The following USP13 variants were observed in gnomAD, a reference collection of about 807,000 sequenced individuals.
USP13 encodes ubiquitin carboxyl-terminal hydrolase 13.
USP13 carries 68 observed loss-of-function variants against 107.8 expected under a neutral mutation model. The observed-to-expected ratio is 0.63, with a 90% CI of 0.52 to 0.77. The LOEUF (loss-of-function observed/expected upper bound fraction) is 0.77, where lower values mean the gene tolerates loss of function less well. Ranked by LOEUF, USP13 falls within the 30% of genes least tolerant of loss-of-function variation. USP13 has a pLI of 0.00. For missense variants in USP13, 945 were observed against 1,093.3 expected (o/e 0.86, Z 1.91); for synonymous variants, 377 against 389.5 (o/e 0.97, Z 0.38).
In USP13 at chr3:179,653,473, C is replaced by A; in HGVS notation, c.168+80C>A. 6.7e-7 allele frequency: 1 copy of A among 1,492,092 alleles called. No homozygotes were observed. The highest frequency in any genetic ancestry group is 1.3e-5 in the South Asian group (1 of 77,846). 92.4% of individuals were successfully genotyped at this position (1,492,092 alleles called of 1,614,324 possible). A position where few individuals can be genotyped will look rare whatever the true frequency, so the allele number is the denominator to read the frequency against. On this transcript the variant is annotated intron_variant, in intron 1 of 20. Coordinates refer to ENST00000263966, the MANE Select transcript of USP13 (RefSeq NM_003940.3). This position sits in a 1 kb window ranked among gnomAD's most constrained non-coding sequence, Gnocchi z 4.0. ...AGCCGGGGGAGAAGATGCGCAGTGG[C>A]GGCCGGGACCTCTTCTCTTCCTCCG...
chr3:179,681,855 T>C, intron 1 of USP13, 23 bp from the exon 2 acceptor site: 2 of 1,608,154 alleles, frequency 1.2e-6, no homozygotes, highest in African/African-American at 1.3e-5. Flanking sequence ...CGTCGGCTAA[T>C]GTACTTTTTC....
At chr3:179,710,013 G>A (rs1576943025) in intron 6 of USP13, among the ~76,000 whole-genome samples, 1 of 152,216 alleles carries the variant, frequency 6.6e-6, no homozygotes, top group African/African-American at 2.4e-5. Context: ...ACTGAGGACT[G>A]GCAGTTAGGT....
intron 4 of USP13, among the ~76,000 whole-genome samples, chr3:179,706,214 C>T (rs1712711713): frequency 6.6e-6 from 1 of 152,122 alleles, no homozygotes; most frequent in African/African-American, 2.4e-5. Flanking sequence ...ACTTTGCAAC[C>T]ACAATGTAAG....
chr3:179,655,773 G>A (rs1344433156), intron 1 of USP13, among the ~76,000 whole-genome samples: 3 of 151,874 alleles, frequency 2.0e-5, no homozygotes, highest in African/African-American at 4.8e-5. Flanking sequence ...GGCTGCTCTC[G>A]AACTCCTGAC....
At position 179,688,194 on chromosome 3, in the gene USP13, AATCCATCC is replaced by A. The variant is rs1214610213; in HGVS notation, c.295-2009_295-2002del. Among the ~76,000 whole-genome samples, 11 of 48,186 alleles carry A rather than the reference AATCCATCC, an allele frequency of 2.3e-4. 1 individual carries two copies. The highest frequency in any genetic ancestry group is 5.9e-4 in the African/African-American group (10 of 16,956). 31.6% of individuals were successfully genotyped at this position (48,186 alleles called of 152,430 possible). Reference sequence around the variant, plus strand: ...ATATCCATCCATCCATCCATTCATCAATCCATCCATCCATCCATCCATCCATCCATCCA... The same window carrying A: ...ATATCCATCCATCCATCCATTCATCAATCCATCCATCCATCCATCCATCCA... On this transcript the variant is annotated intron_variant, in intron 2 of 20. Coordinates refer to ENST00000263966, the MANE Select transcript of USP13 (RefSeq NM_003940.3).
rs751649364 is a variant in USP13, at chr3:179,742,327, C to T, written c.1511C>T (p.Ala504Val). The T allele has an allele frequency of 5.0e-6, 8 of 1,614,060 alleles. No individual in the cohort carries two copies. In the African/African-American group the frequency reaches 1.1e-4, roughly 22 times the overall value. ...RVDYLMQLPV[A>V]MEAATNKDEL... ...GATTACCTGATGCAGTTACCTGTGGCCATGGAGGCGGCAACCAACAAGGGT... is the reference window on the plus strand; with the variant it reads ...GATTACCTGATGCAGTTACCTGTGGTCATGGAGGCGGCAACCAACAAGGGT... Residue 504 changes from alanine to valine, a missense_variant, in exon 12 of 21, where the codon GCC becomes GTC. Transcript: ENST00000263966. This position sits in a 1 kb window ranked among gnomAD's most constrained non-coding sequence, Gnocchi z 5.0.
chr3:179,668,668 TG>T (rs1168992210), intron 1 of USP13, among the ~76,000 whole-genome samples: 1 of 152,174 alleles, frequency 6.6e-6, no homozygotes, highest in Non-Finnish European at 1.5e-5. Context: ...GTAGGTCTCC[TG>T]CCTTGGCCTC....
chr3:179,670,423 C>T (rs1400429310), intron 1 of USP13, among the ~76,000 whole-genome samples: 4 of 152,144 alleles, frequency 2.6e-5, no homozygotes, highest in Admixed American at 2.6e-4. Flanking sequence ...GAAGACATCA[C>T]GGCCTCACTC....
chr3:179,763,619 C>T (rs1715075586), intron 17 of USP13, among the ~76,000 whole-genome samples: 1 of 152,126 alleles, frequency 6.6e-6, no homozygotes, highest in Non-Finnish European at 1.5e-5. Flanking sequence ...CAGAGCCTTG[C>T]TCTCTTGCCC....
rs563480253 is a variant in USP13 at position 179,667,477 on chromosome 3, T to G, written c.168+14084T>G. 5.9e-5 allele frequency among the ~76,000 whole-genome samples: 9 copies of G among 152,348 alleles called. No individual in the cohort carries two copies. In the South Asian group the frequency reaches 1.7e-3, roughly 28 times the overall value. On this transcript the variant is annotated intron_variant, in intron 1 of 20. Coordinates refer to ENST00000263966, the MANE Select transcript of USP13 (RefSeq NM_003940.3). ...TGGTTTCACATTTTCTTTTTGTATG[T>G]GTAAGCCGGGAACTGCTGCAGGTGC...
intron 3 of USP13, among the ~76,000 whole-genome samples, chr3:179,700,429 A>G (rs6785332): frequency 2.6e-5 from 4 of 152,086 alleles, no homozygotes; most frequent in Non-Finnish European, 4.4e-5. Flanking sequence ...TGTATAAACT[A>G]TGTGAGATAC....
At chr3:179,709,981 GTA>G (rs61369810) in intron 6 of USP13, among the ~76,000 whole-genome samples, 55,685 of 151,926 alleles carry the variant, frequency 0.37, 12,398 homozygotes, top group Non-Finnish European at 0.48. Context: ...TTGAACCGGT[GTA>G]GTTTTTCATT....
intron 11 of USP13, among the ~76,000 whole-genome samples, chr3:179,741,880 A>AT (rs1449562401): frequency 1.1e-4 from 16 of 151,814 alleles, no homozygotes; most frequent in African/African-American, 3.6e-4. Flanking sequence ...GCAGCCCTTT[A>AT]TTTTTTTCCC....
At position 179,754,808 on chromosome 3, in the gene USP13, A is replaced by G. The variant is rs778887879; in HGVS notation, c.1875A>G (p.Glu625=). The change falls in exon 15 of 21, where the codon GAA becomes GAG. Residue 625 remains glutamate, a synonymous_variant. Coordinates refer to ENST00000263966, the MANE Select transcript of USP13 (RefSeq NM_003940.3). ...RARGLQPGEE[E]LPDISPPIVI... ...GGGGGTTACAGCCAGGAGAGGAAGAACTTCCAGACATCAGCCCCCCCATAG... is the reference window on the plus strand; with the variant it reads ...GGGGGTTACAGCCAGGAGAGGAAGAGCTTCCAGACATCAGCCCCCCCATAG... 1 of 1,613,160 alleles carries G rather than the reference A, an allele frequency of 6.2e-7. No individual in the cohort carries two copies. The highest frequency in any genetic ancestry group is 1.7e-5 in the Admixed American group (1 of 59,832).
chr3:179,756,746 CA>C (rs1347897166), intron 15 of USP13, among the ~76,000 whole-genome samples: 4 of 151,958 alleles, frequency 2.6e-5, no homozygotes, highest in Admixed American at 2.0e-4. Flanking sequence ...GCAACAGAGT[CA>C]GACACTGTCT....
At chr3:179,777,022 A>T (rs1190978418) in intron 19 of USP13, among the ~76,000 whole-genome samples, 3 of 151,946 alleles carry the variant, frequency 2.0e-5, no homozygotes. Flanking sequence ...GTTGAGAGAG[A>T]TTCTCTTTTG....
At chr3:179,751,677 A>G (rs1314903855) in intron 13 of USP13, among the ~76,000 whole-genome samples, 1 of 152,246 alleles carries the variant, frequency 6.6e-6, no homozygotes, top group Non-Finnish European at 1.5e-5. Context: ...TCAGAAATAT[A>G]GAACACCACA....
intron 19 of USP13, among the ~76,000 whole-genome samples, chr3:179,776,858 GT>G (rs71628094): frequency 0.049 from 3,848 of 78,374 alleles, 48 homozygotes; most frequent in African/African-American, 0.13. Flanking sequence ...TAGAGTGCTG[GT>G]TTTTTTTTTT....
intron 1 of USP13, among the ~76,000 whole-genome samples, chr3:179,673,508 G>A (rs994293342): frequency 2.0e-5 from 3 of 152,146 alleles, no homozygotes; most frequent in East Asian, 3.9e-4. Flanking sequence ...AGGTACTGGC[G>A]GCAAACTCAA....
Sources: allele counts gnomAD v4.1 joint callset (sites outside exome capture counted in the v4.1 genomes callset), GRCh38; gene constraint gnomAD v4.1.1; non-coding constraint Gnocchi (gnomAD v3.1); transcripts MANE v1.5; gene names NCBI Gene and HGNC (gene_info 2026-07-23, HGNC 2026-07-21).